CTNNA3: variants seen among roughly 807,000 people sequenced by gnomAD.
CTNNA3 encodes the protein catenin alpha 3.
CTNNA3 carries 76 observed loss-of-function variants against 95.7 expected under a neutral mutation model. The ratio of observed to expected loss-of-function variants is 0.79; its 90% confidence interval spans 0.66 to 0.96. The LOEUF is 0.96. Ranked by LOEUF, CTNNA3 falls within the 40% of genes least tolerant of loss-of-function variation. CTNNA3 has a pLI of 0.00. For synonymous variants in CTNNA3, 431 were observed against 374.4 expected, an observed-to-expected ratio of 1.15 and a Z score of -1.74; for missense variants, 1,191 against 1,089.8, an observed-to-expected ratio of 1.09 and a Z score of -1.31.
intron 10 of CTNNA3, among the ~76,000 whole-genome samples, chr10:66,576,516 G>T (rs1843008360): frequency 6.6e-6 from 1 of 151,776 alleles, no homozygotes; most frequent in Non-Finnish European, 1.5e-5. Flanking sequence ...CAGAGTCTTT[G>T]TTCCTATCTT....
intron 10 of CTNNA3, among the ~76,000 whole-genome samples, chr10:66,529,443 T>TTTTG (rs369077435): frequency 0.26 from 29,785 of 116,320 alleles, 3,822 homozygotes; most frequent in Admixed American, 0.36. Context: ...AACAGTGTTT[T>TTTTG]TTTTTTGTTT....
At chr10:66,740,581 G>A (rs1033418811) in intron 9 of CTNNA3, among the ~76,000 whole-genome samples, 3 of 152,114 alleles carry the variant, frequency 2.0e-5, no homozygotes, top group African/African-American at 7.2e-5. Context: ...AATAAGCTCT[G>A]TTCATTTCTC....
intron 7 of CTNNA3, among the ~76,000 whole-genome samples, chr10:67,161,025 G>A (rs1861518610): frequency 6.6e-6 from 1 of 152,114 alleles, no homozygotes; most frequent in Non-Finnish European, 1.5e-5. Flanking sequence ...CTAGGGGATT[G>A]GGGAGGGAGA....
At chr10:67,176,570 G>A (rs1169186242) in intron 7 of CTNNA3, among the ~76,000 whole-genome samples, 4 of 152,288 alleles carry the variant, frequency 2.6e-5, no homozygotes, top group Middle Eastern at 6.8e-3. Context: ...ATATAATGTT[G>A]TGAGTCTCCC....
intron 5 of CTNNA3, among the ~76,000 whole-genome samples, chr10:67,429,154 TAGTATTA>T (rs1589280834): frequency 6.6e-6 from 1 of 151,998 alleles, no homozygotes; most frequent in East Asian, 1.9e-4. Context: ...TGTGTTTGTC[TAGTATTA>T]AGTTACTTAC....
At chr10:67,272,715 A>G (rs1197950917) in intron 5 of CTNNA3, among the ~76,000 whole-genome samples, 3 of 152,206 alleles carry the variant, frequency 2.0e-5, no homozygotes, top group Non-Finnish European at 4.4e-5. Flanking sequence ...CATAATTTGC[A>G]ATGCACTAAA....
At position 67,600,185 on chromosome 10, in the gene CTNNA3, CA is replaced by C. The variant is rs1318180457; in HGVS notation, c.292+6671del. Among the ~76,000 whole-genome samples the C allele has an allele frequency of 4.0e-5, 6 of 151,334 alleles. No homozygotes were observed. The East Asian group carries it at 5.8e-4, about 15-fold the overall frequency. ...CTGGAGCAATTAAATTTCTGTATTT[CA>C]AAAAAAATATGACCTCTAATTCACA... is the stretch of plus-strand genomic sequence containing the variant. On this transcript the variant is annotated intron_variant, in intron 3 of 17. Transcript: ENST00000433211.
chr10:67,152,950 C>T (rs1420555543), intron 7 of CTNNA3, among the ~76,000 whole-genome samples: 1 of 151,980 alleles, frequency 6.6e-6, no homozygotes. Flanking sequence ...GTTTTCAATT[C>T]ACACTACATA....
At chr10:66,841,621 A>C (rs1843067852) in intron 7 of CTNNA3, among the ~76,000 whole-genome samples, 1 of 152,186 alleles carries the variant, frequency 6.6e-6, no homozygotes, top group Non-Finnish European at 1.5e-5. Flanking sequence ...TCAGCAAAAC[A>C]GGGGGACTTA....
chr10:66,893,777 A>C (rs1845366213), intron 7 of CTNNA3, among the ~76,000 whole-genome samples: 1 of 152,116 alleles, frequency 6.6e-6, no homozygotes, highest in Non-Finnish European at 1.5e-5. Flanking sequence ...CTACATACTA[A>C]GTCCTTTTGA....
At chr10:67,080,084 C>CA (rs1278531616) in intron 7 of CTNNA3, among the ~76,000 whole-genome samples, 1 of 152,108 alleles carries the variant, frequency 6.6e-6, no homozygotes, top group Non-Finnish European at 1.5e-5. Flanking sequence ...TCCAAAGAGG[C>CA]AGGGAGGGCA....
chr10:66,095,132 C>T (rs1027561941), intron 14 of CTNNA3, among the ~76,000 whole-genome samples: 7 of 152,020 alleles, frequency 4.6e-5, no homozygotes, highest in Non-Finnish European at 1.0e-4. Context: ...CAGGACTAGG[C>T]TAGAATCACA....
At chr10:66,800,169 A>C (rs1345287179) in intron 7 of CTNNA3, among the ~76,000 whole-genome samples, 1 of 151,458 alleles carries the variant, frequency 6.6e-6, no homozygotes, top group Non-Finnish European at 1.5e-5. Flanking sequence ...TAGAAGAATT[A>C]GATTGAATAT....
chr10:67,310,430 T>C (rs773071957), intron 5 of CTNNA3, among the ~76,000 whole-genome samples: 20 of 152,202 alleles, frequency 1.3e-4, no homozygotes, highest in Non-Finnish European at 2.4e-4. Flanking sequence ...CAAAGTTTTC[T>C]GAGATATTAA....
intron 11 of CTNNA3, among the ~76,000 whole-genome samples, chr10:66,503,156 A>G (rs1040417910): frequency 1.3e-4 from 20 of 152,146 alleles, no homozygotes; most frequent in Middle Eastern, 3.2e-3. Context: ...GCCACTCAAT[A>G]TGTCCTAGAC....
At chr10:67,059,929 C>T (rs116376074) in intron 7 of CTNNA3, among the ~76,000 whole-genome samples, 2,560 of 152,142 alleles carry the variant, frequency 0.017, 78 homozygotes, top group African/African-American at 0.057. Context: ...ATAGAAGACA[C>T]TGTTTCTGTT....
intron 5 of CTNNA3, among the ~76,000 whole-genome samples, chr10:67,519,626 T>G (rs1839922793): frequency 6.6e-6 from 1 of 152,124 alleles, no homozygotes; most frequent in Non-Finnish European, 1.5e-5. Flanking sequence ...CAGATACTGT[T>G]AGGAGCACTG....
intron 7 of CTNNA3, among the ~76,000 whole-genome samples, chr10:67,022,929 CTG>C (rs1429001059): frequency 1.3e-5 from 2 of 152,028 alleles, no homozygotes; most frequent in Non-Finnish European, 2.9e-5. Flanking sequence ...GAGAGTAAGA[CTG>C]TGTCTCAAAA....
intron 13 of CTNNA3, among the ~76,000 whole-genome samples, chr10:66,109,458 A>T (rs1236752596): frequency 1.3e-5 from 2 of 152,194 alleles, no homozygotes; most frequent in Admixed American, 6.5e-5. Context: ...AAGTCATGAG[A>T]TATAATTAAA....
Sources: gnomAD v4.1 joint callset for allele counts (sites outside exome capture counted in the v4.1 genomes callset) on GRCh38, gnomAD v4.1.1 for gene constraint, MANE v1.5 for transcripts, NCBI Gene and HGNC (gene_info 2026-07-23, HGNC 2026-07-21) for gene names.